The following MBTPS1 variants were observed in gnomAD, a reference collection of about 807,000 sequenced individuals.
MBTPS1 encodes the protein membrane bound transcription factor peptidase, site 1.
MBTPS1 carries 94 observed loss-of-function variants against 127.8 expected under a neutral mutation model. That is an observed-to-expected ratio of 0.74 (90% CI 0.62 to 0.87). MBTPS1 has a LOEUF of 0.87. Among genes scored for constraint, MBTPS1 ranks in the 40% least tolerant of loss-of-function variants. The probability of loss-of-function intolerance (pLI) is 0.00; values close to 1 mark genes in which losing one functional copy is unlikely to be tolerated. For synonymous variants in MBTPS1, 632 were observed against 509.4 expected, an observed-to-expected ratio of 1.24 and a Z score of -3.24; for missense variants, 1,636 against 1,353.2, an observed-to-expected ratio of 1.21 and a Z score of -3.28.
At chr16:84,099,658 G>A (rs764233901) in intron 2 of MBTPS1, among the ~76,000 whole-genome samples, 9 of 151,802 alleles carry the variant, frequency 5.9e-5, no homozygotes, top group South Asian at 2.1e-4. Context: ...GGTGGTGGGC[G>A]CCTATAATCC....
chr16:84,088,208 C>A (rs957685523), intron 8 of MBTPS1, among the ~76,000 whole-genome samples: 2 of 151,750 alleles, frequency 1.3e-5, no homozygotes, highest in Non-Finnish European at 2.9e-5. Flanking sequence ...GCTCCACTAC[C>A]AAAAAAAATG....
rs905111215 is a variant in MBTPS1, at chr16:84,101,667, G to A, written c.117C>T (p.Ser39=). The part of the protein sequence containing the change: ...SFEKAPCPGC[S]HLTLKVEFSS... ...AGAATTCCACCTTCAAAGTCAGGTG[G>A]GAACAGCCAGGGCATGGGGCCTTTT... is the stretch of plus-strand genomic sequence containing the variant. The change falls in exon 2 of 23, where the codon TCC becomes TCT. Residue 39 remains serine (S), a synonymous_variant. Coordinates refer to ENST00000343411, the MANE Select transcript of MBTPS1 (RefSeq NM_003791.4). 3.1e-6 allele frequency: 5 copies of A among 1,614,058 alleles called. No homozygotes were observed. The highest frequency in any genetic ancestry group is 4.2e-6 in the Non-Finnish European group (5 of 1,179,968).
At chr16:84,089,625 C>A (rs2086076209) in intron 8 of MBTPS1, among the ~76,000 whole-genome samples, 1 of 152,254 alleles carries the variant, frequency 6.6e-6, no homozygotes, top group Admixed American at 6.5e-5. Flanking sequence ...CATAGGTACT[C>A]TGCAGGCTGC....
At position 84,070,751 on chromosome 16, in the gene MBTPS1, T is replaced by C. The variant is rs901018167; in HGVS notation, c.1619A>G (p.Gln540Arg). 5.0e-6 allele frequency: 8 copies of C among 1,612,524 alleles called. No individual in the cohort carries two copies. The highest frequency in any genetic ancestry group is 1.3e-5 in the African/African-American group (1 of 74,972). Residue 540 changes from glutamine to arginine, a missense_variant, in exon 13 of 23, where the codon CAG becomes CGG. Physicochemically the swap from Gln to Arg is conservative, Grantham distance 43 (BLOSUM62 1). Transcript: ENST00000343411. ...GGCAACTTCAATGTTGTCTCCGTTC[T>C]GTGGCAAATAGGGCTGCCAGTCAGG... is the stretch of plus-strand genomic sequence containing the variant. ...DKPDWQPYLP[Q>R]NGDNIEVAFS...
intron 19 of MBTPS1, among the ~76,000 whole-genome samples, chr16:84,063,042 C>T (rs933167139): frequency 2.6e-5 from 4 of 152,254 alleles, no homozygotes; most frequent in African/African-American, 7.2e-5. Context: ...GTCCCGCCTC[C>T]GCTGGCCTCA....
chr16:84,081,137 C>G (rs949257434), intron 11 of MBTPS1, among the ~76,000 whole-genome samples: 4 of 152,216 alleles, frequency 2.6e-5, no homozygotes, highest in Non-Finnish European at 5.9e-5. Flanking sequence ...CTCTGACGCT[C>G]ATACTGAGGT....
At chr16:84,055,582 A>G (rs1351105602) in intron 22 of MBTPS1, among the ~76,000 whole-genome samples, 1 of 152,230 alleles carries the variant, frequency 6.6e-6, no homozygotes, top group Non-Finnish European at 1.5e-5. Flanking sequence ...GGCAGGGCAG[A>G]GAACTGAAGG....
chr16:84,095,536 C>G, intron 4 of MBTPS1, 66 bp downstream of exon 4: 1 of 1,560,716 alleles, frequency 6.4e-7, no homozygotes, highest in African/African-American at 1.4e-5. Context: ...ACTTTCCGCG[C>G]CTTCCCTGGG....
At chr16:84,087,962 T>C (rs1025277844) in intron 8 of MBTPS1, among the ~76,000 whole-genome samples, 3 of 152,176 alleles carry the variant, frequency 2.0e-5, no homozygotes, top group Non-Finnish European at 2.9e-5. Flanking sequence ...AAGTTTTCGA[T>C]TGACCTGTGG....
intron 1 of MBTPS1, among the ~76,000 whole-genome samples, chr16:84,115,216 G>A (rs1463891614): frequency 6.6e-6 from 1 of 152,180 alleles, no homozygotes; most frequent in Non-Finnish European, 1.5e-5. Context: ...GTGAGCCACC[G>A]CGCCCGGCCC....
chr16:84,111,227 G>A (rs1433839503), intron 1 of MBTPS1, among the ~76,000 whole-genome samples: 2 of 152,170 alleles, frequency 1.3e-5, no homozygotes, highest in South Asian at 2.1e-4. Flanking sequence ...ACAACAGGTA[G>A]TAATAGATGT....
At chr16:84,108,960 A>G (rs1350555016) in intron 1 of MBTPS1, among the ~76,000 whole-genome samples, 1 of 152,260 alleles carries the variant, frequency 6.6e-6, no homozygotes, top group Non-Finnish European at 1.5e-5. Context: ...GGTTTTCAAT[A>G]CATAGACTAA....
intron 21 of MBTPS1, among the ~76,000 whole-genome samples, chr16:84,058,708 C>T (rs1390540284): frequency 1.3e-5 from 2 of 152,098 alleles, no homozygotes; most frequent in Admixed American, 1.3e-4. Flanking sequence ...ACACTGGGTA[C>T]GGAAAGGAAA....
At position 84,063,369 on chromosome 16, in the gene MBTPS1, C is replaced by T; in HGVS notation, c.2508G>A (p.Glu836=). 1 of 1,614,146 alleles carries T rather than the reference C, an allele frequency of 6.2e-7. No homozygotes were observed. The highest frequency in any genetic ancestry group is 1.1e-5 in the South Asian group (1 of 91,082). The change falls in exon 19 of 23, where the codon GAG becomes GAA. Residue 836 remains glutamate, a synonymous_variant. Coordinates refer to ENST00000343411, the MANE Select transcript of MBTPS1 (RefSeq NM_003791.4). ...CATACAGTACAATCCGGCCTCCACC[C>T]TCAGCTGGAATCTGATAAAGTCCCA... is the stretch of plus-strand genomic sequence containing the variant. ...PILGLYQIPA[E]GGGRIVLYGD...
At position 84,060,688 on chromosome 16, in the gene MBTPS1, T is replaced by A. The variant is rs144315557; in HGVS notation, c.2698A>T (p.Met900Leu). ...SGAGSVTPER[M>L]EGNHLHRYSK... is the part of the protein sequence containing the mutation. ...ATCCTGCCCATCCACTCACCTTCCATCCTCTCTGGAGTGACTGAGCCTGCT... is the reference window on the plus strand; with the variant it reads ...ATCCTGCCCATCCACTCACCTTCCAACCTCTCTGGAGTGACTGAGCCTGCT... The change falls in exon 20 of 23, where the codon ATG becomes TTG. Residue 900 changes from methionine to leucine, a missense_variant. By Grantham distance (15) the Met-to-Leu change is conservative (BLOSUM62 2). Transcript: ENST00000343411. 1.9e-6 allele frequency: 3 copies of A among 1,613,586 alleles called. No homozygotes were observed. The highest frequency in any genetic ancestry group is 1.7e-6 in the Non-Finnish European group (2 of 1,179,702).
At chr16:84,106,366 G>C (rs1174894221) in intron 1 of MBTPS1, among the ~76,000 whole-genome samples, 3 of 152,140 alleles carry the variant, frequency 2.0e-5, no homozygotes, top group Non-Finnish European at 4.4e-5. Context: ...GAGAGGGCTG[G>C]GTTTCTGCTA....
At chr16:84,068,595 C>A in intron 14 of MBTPS1, 141 bp from the exon 15 acceptor site, 1 of 643,752 alleles carries the variant, frequency 1.6e-6, no homozygotes, top group Middle Eastern at 3.2e-4. Context: ...CTGGCACAGG[C>A]ATCAGCTTAG....
chr16:84,061,846 C>G (rs3826138), intron 19 of MBTPS1, among the ~76,000 whole-genome samples: 33,011 of 152,124 alleles, frequency 0.22, 4,254 homozygotes, highest in Non-Finnish European at 0.29. Context: ...CCTTCAAGTT[C>G]CATTAACATC....
rs1228243875 is a variant in MBTPS1 at position 84,095,594 on chromosome 16, G to C, written c.625+8C>G. 2 of 1,613,484 alleles carry C rather than the reference G, an allele frequency of 1.2e-6. No individual in the cohort carries two copies. Among genetic ancestry groups the C allele is most frequent in the South Asian group, 2.2e-5 (2 of 91,060 alleles). ...CCATAAGCACCTTCCCTGGGTAATA[G>C]CACACACCTGTATATCCCATCTGCC... On this transcript the variant is annotated splice_region_variant and intron_variant, in intron 4 of 22. Transcript: ENST00000343411.
Sources: allele counts gnomAD v4.1 joint callset (sites outside exome capture counted in the v4.1 genomes callset), GRCh38; gene constraint gnomAD v4.1.1; transcripts MANE v1.5; gene names NCBI Gene and HGNC (gene_info 2026-07-23, HGNC 2026-07-21).